Variants in PTPN4 observed in about 807,000 individuals in gnomAD.
The protein encoded by PTPN4 is tyrosine-protein phosphatase non-receptor type 4.
A neutral mutation model predicts 135.5 loss-of-function variants in PTPN4; 49 were observed. The observed-to-expected ratio is 0.36, with a 90% CI of 0.29 to 0.46. The LOEUF (loss-of-function observed/expected upper bound fraction) is 0.46. Ranked by LOEUF, PTPN4 falls within the 20% of genes least tolerant of loss-of-function variation. The probability of loss-of-function intolerance (pLI) is 1.00; values close to 1 mark genes in which losing one functional copy is unlikely to be tolerated. For synonymous variants in PTPN4, 333 were observed against 369.9 expected, an observed-to-expected ratio of 0.90 and a Z score of 1.14; for missense variants, 860 against 1,101.0, an observed-to-expected ratio of 0.78 and a Z score of 3.10.
At chr2:119,833,722 T>C (rs1474971365) in intron 2 of PTPN4, among the ~76,000 whole-genome samples, 1 of 152,198 alleles carries the variant, frequency 6.6e-6, no homozygotes, top group Non-Finnish European at 1.5e-5. Flanking sequence ...TGGGGTTCTG[T>C]AAACAGTATA....
rs956336019 is a variant in PTPN4 at position 119,874,954 on chromosome 2, A to G, written c.247-2369A>G. Among the ~76,000 whole-genome samples the G allele has an allele frequency of 7.9e-5, 12 of 152,118 alleles. No individual in the cohort carries two copies. The East Asian group carries it at 1.9e-3, about 24-fold the overall frequency. On this transcript the variant is annotated intron_variant, in intron 3 of 26. Transcript: ENST00000263708. ...CATCAAACGTTTTAGTCTTTGCCCA[A>G]TATTACTGTTGAAAAATAATAACCC...
intron 13 of PTPN4, among the ~76,000 whole-genome samples, chr2:119,929,766 A>C (rs182602722): frequency 6.6e-6 from 1 of 152,268 alleles, no homozygotes; most frequent in Non-Finnish European, 1.5e-5. Flanking sequence ...TTTGGTTTTA[A>C]GTTCAAAGTG....
intron 2 of PTPN4, among the ~76,000 whole-genome samples, chr2:119,853,148 T>G (rs1480346476): frequency 1.3e-5 from 2 of 152,210 alleles, no homozygotes; most frequent in African/African-American, 4.8e-5. Context: ...AGTTAATATG[T>G]TGTTGGGTTC....
At chr2:119,877,234 A>G in intron 3 of PTPN4, 89 bp from the exon 4 acceptor site, 1 of 1,418,526 alleles carries the variant, frequency 7.0e-7, no homozygotes, top group South Asian at 1.4e-5. Context: ...AGCTTTTAGC[A>G]TTAATCTCCA....
intron 1 of PTPN4, among the ~76,000 whole-genome samples, chr2:119,780,983 C>T (rs968748257): frequency 3.9e-5 from 6 of 152,154 alleles, no homozygotes; most frequent in Admixed American, 2.0e-4. Flanking sequence ...TCCTCTCCCT[C>T]ACTTAAAAAC....
In PTPN4 at chr2:119,888,748, G is replaced by A. The variant is rs543710405; in HGVS notation, c.675+2866G>A. On this transcript the variant is annotated intron_variant, in intron 9 of 26. Coordinates refer to ENST00000263708, the MANE Select transcript of PTPN4 (RefSeq NM_002830.4). ...GGTTTGCTAGTACTTTGTTCAAGAT[G>A]TTGGTGTCTGTGTTCACTAGGGATA... Among the ~76,000 whole-genome samples the A allele has an allele frequency of 3.6e-3, 552 of 152,226 alleles. 3 individuals carry two copies. The highest frequency in any genetic ancestry group is 0.013 in the African/African-American group (530 of 41,546).
intron 15 of PTPN4, among the ~76,000 whole-genome samples, chr2:119,942,530 CAGCTTTTAAATTT>C (rs1679076224): frequency 6.6e-6 from 1 of 152,068 alleles, no homozygotes; most frequent in African/African-American, 2.4e-5. Flanking sequence ...TTTTTTTTCT[CAGCTTTTAAATTT>C]AGCTTTTAAA....
intron 10 of PTPN4, among the ~76,000 whole-genome samples, chr2:119,903,257 A>G (rs1020548249): frequency 6.6e-6 from 1 of 152,110 alleles, no homozygotes; most frequent in African/African-American, 2.4e-5. Flanking sequence ...AGACCACTGT[A>G]CAGCTGCATG....
In PTPN4 at chr2:119,862,499, A is replaced by G. The variant is rs187318844; in HGVS notation, c.139-37A>G. The G allele has an allele frequency of 7.1e-6, 11 of 1,546,022 alleles. No individual in the cohort carries two copies. The African/African-American group carries it at 1.2e-4, about 17-fold the overall frequency. On this transcript the variant is annotated intron_variant, in intron 2 of 26. Transcript: ENST00000263708. ...AAAAATGTGAAGAATGTAACCTATC[A>G]AAGTTGATTTCATTCAATTTTTTTT...
intron 12 of PTPN4, among the ~76,000 whole-genome samples, chr2:119,925,980 A>G (rs1678818289): frequency 6.6e-6 from 1 of 152,196 alleles, no homozygotes. Flanking sequence ...TTAAAATCTC[A>G]TAAAAGTGCC....
At position 119,887,978 on chromosome 2, in the gene PTPN4, A is replaced by G. The variant is rs139136723; in HGVS notation, c.675+2096A>G. 4.1e-3 allele frequency among the ~76,000 whole-genome samples: 621 copies of G among 152,258 alleles called. 4 individuals carry two copies. The highest frequency in any genetic ancestry group is 0.014 in the African/African-American group (596 of 41,554). ...CTCTGGCAATATGGTCATTTTAACA[A>G]TATTAGTTCTTCAGATCCAAAGGCA... On this transcript the variant is annotated intron_variant, in intron 9 of 26. Transcript: ENST00000263708.
At position 119,801,614 on chromosome 2, in the gene PTPN4, A is replaced by G. The variant is rs188093156; in HGVS notation, c.-17-8223A>G. Among the ~76,000 whole-genome samples the G allele has an allele frequency of 3.1e-3, 478 of 152,130 alleles. 4 individuals carry two copies. Among genetic ancestry groups the G allele is most frequent in the Middle Eastern group, 6.8e-3 (2 of 294 alleles). On this transcript the variant is annotated intron_variant, in intron 1 of 26. Transcript: ENST00000263708. The stretch of plus-strand genomic sequence containing the variant: ...GTAGTTTTTAGCATAGAAGTTCTCT[A>G]TGTGTTTTGTTAGATTTACACCTAA...
rs1677777215 is a variant in PTPN4, at chr2:119,862,603, A to G, written c.206A>G (p.Tyr69Cys). The G allele has an allele frequency of 6.2e-7, 1 of 1,613,160 alleles. No individual in the cohort carries two copies. The highest frequency in any genetic ancestry group is 8.5e-7 in the Non-Finnish European group (1 of 1,179,530). ...CATCTAGATTTGACTGAGCAGGACT[A>G]TTTTGGTTTACAGTTGGCTGATGAT... is the stretch of plus-strand genomic sequence containing the variant. ...FKHLDLTEQD[Y>C]FGLQLADDST... Residue 69 changes from tyrosine (Y) to cysteine (C), a missense_variant, in exon 3 of 27, where the codon TAT becomes TGT. By Grantham distance (194) the Tyr-to-Cys change is radical. This residue lies in a region of PTPN4 where 684 missense variants were observed against 807.0 expected (regional missense o/e 0.85). Transcript: ENST00000263708.
intron 2 of PTPN4, among the ~76,000 whole-genome samples, chr2:119,822,365 T>G (rs376707296): frequency 3.3e-5 from 1 of 29,974 alleles, no homozygotes; most frequent in East Asian, 6.8e-4. Context: ...TCCCCCCCCC[T>G]TTTTTTTTTT....
chr2:119,874,771 T>C (rs1677961478), intron 3 of PTPN4, among the ~76,000 whole-genome samples: 1 of 152,174 alleles, frequency 6.6e-6, no homozygotes, highest in East Asian at 1.9e-4. Context: ...TTGTGGTGCG[T>C]GAAATATGTC....
At chr2:119,805,065 T>C (rs1691442939) in intron 1 of PTPN4, among the ~76,000 whole-genome samples, 2 of 152,240 alleles carry the variant, frequency 1.3e-5, no homozygotes, top group Admixed American at 1.3e-4. Flanking sequence ...CATGTGTCTG[T>C]TGGCTGCATA....
chr2:119,975,999 AT>A (rs70949379), intron 26 of PTPN4, among the ~76,000 whole-genome samples: 101,601 of 117,432 alleles, frequency 0.87, 43,543 homozygotes, highest in Non-Finnish European at 0.92. Context: ...TTATTTATTT[AT>A]TTTTTTTTTT....
intron 2 of PTPN4, among the ~76,000 whole-genome samples, chr2:119,861,413 A>G (rs1017599199): frequency 1.3e-5 from 2 of 152,204 alleles, no homozygotes; most frequent in South Asian, 2.1e-4. Context: ...ACCATTGCAC[A>G]TATTTTTCTA....
At chr2:119,897,361 T>C (rs913714173) in intron 9 of PTPN4, among the ~76,000 whole-genome samples, 3 of 152,200 alleles carry the variant, frequency 2.0e-5, no homozygotes, top group Admixed American at 6.5e-5. Flanking sequence ...TGGAAAATGA[T>C]ATTTCAAAAA....
Sources: allele counts gnomAD v4.1 joint callset (sites outside exome capture counted in the v4.1 genomes callset), GRCh38; gene constraint gnomAD v4.1.1; regional missense constraint gnomAD v4.1.1; transcripts MANE v1.5; gene names NCBI Gene and HGNC (gene_info 2026-07-23, HGNC 2026-07-21).